The following SCHIP1 variants were observed in gnomAD, a reference collection of about 807,000 sequenced individuals.
SCHIP1 encodes the protein schwannomin interacting protein 1, also known as schwannomin-interacting protein 1.
In SCHIP1, 8 loss-of-function variants were observed where a neutral mutation model predicts 29.7. The ratio of observed to expected loss-of-function variants is 0.27; its 90% CI spans 0.16 to 0.49. The LOEUF is 0.49. Ranked by LOEUF, SCHIP1 falls within the 20% of genes least tolerant of loss-of-function variation. SCHIP1 has a pLI of 0.99. For synonymous variants in SCHIP1, 76 were observed against 94.9 expected (o/e 0.80, Z 1.16); for missense variants, 193 against 294.6 (o/e 0.66, Z 2.52).
the SCHIP1 span, among the ~76,000 whole-genome samples, chr3:159,468,597 C>T: frequency 3.3e-5 from 5 of 150,590 alleles, no homozygotes; most frequent in Admixed American, 3.3e-4. Context: ...TGTCAATATT[C>T]TAAAGAAAAA....
chr3:159,572,934 G>GTTTT, the SCHIP1 span, among the ~76,000 whole-genome samples: 1 of 140,204 alleles, frequency 7.1e-6, no homozygotes, highest in Admixed American at 7.1e-5. Flanking sequence ...GCAACCTCTG[G>GTTTT]TTTTTTTTTT....
the SCHIP1 span, among the ~76,000 whole-genome samples, chr3:159,684,207 C>T: frequency 6.6e-6 from 1 of 152,166 alleles, no homozygotes; most frequent in African/African-American, 2.4e-5. Context: ...AGACTAGAGA[C>T]CACCCCTACA....
chr3:159,468,132 A>T, the SCHIP1 span, among the ~76,000 whole-genome samples: 1 of 152,262 alleles, frequency 6.6e-6, no homozygotes, highest in African/African-American at 2.4e-5. Flanking sequence ...CAGATTTATC[A>T]TAGTAGGCTG....
chr3:159,305,482 T>G, the SCHIP1 span, among the ~76,000 whole-genome samples: 1 of 152,228 alleles, frequency 6.6e-6, no homozygotes, highest in Admixed American at 6.5e-5. Context: ...GAGAAAGTAT[T>G]GCTCCTTTTT....
chr3:159,456,730 T>A, the SCHIP1 span, among the ~76,000 whole-genome samples: 1 of 152,170 alleles, frequency 6.6e-6, no homozygotes, highest in Admixed American at 6.6e-5. Context: ...GGTTAAGATC[T>A]TGATGGGGAT....
the SCHIP1 span, among the ~76,000 whole-genome samples, chr3:159,290,467 A>G: frequency 1.3e-5 from 2 of 152,170 alleles, no homozygotes; most frequent in South Asian, 4.1e-4. Context: ...CTTTGAATAT[A>G]CCTGGTTTTA....
the SCHIP1 span, among the ~76,000 whole-genome samples, chr3:159,667,859 C>T: frequency 2.0e-5 from 3 of 152,248 alleles, no homozygotes; most frequent in South Asian, 2.1e-4. Flanking sequence ...CCAAACAGTT[C>T]TTAGTCTCAC....
At chr3:159,844,332 T>C (rs1250310909) in intron 1 of SCHIP1, among the ~76,000 whole-genome samples, 1 of 152,272 alleles carries the variant, frequency 6.6e-6, no homozygotes, top group Non-Finnish European at 1.5e-5. Context: ...TTGTATGCAC[T>C]GTTCTTTGAA....
the SCHIP1 span, among the ~76,000 whole-genome samples, chr3:159,614,542 T>C: frequency 6.6e-6 from 1 of 152,198 alleles, no homozygotes; most frequent in Admixed American, 6.5e-5. Flanking sequence ...TCCATTTGCA[T>C]TTTGGGAAGA....
chr3:159,577,080 G>A, the SCHIP1 span, among the ~76,000 whole-genome samples: 1 of 152,056 alleles, frequency 6.6e-6, no homozygotes, highest in East Asian at 1.9e-4. Flanking sequence ...GTCCTGGTTA[G>A]ATCATTAAAG....
chr3:159,530,673 G>A, the SCHIP1 span, among the ~76,000 whole-genome samples: 1 of 152,124 alleles, frequency 6.6e-6, no homozygotes, highest in Non-Finnish European at 1.5e-5. Flanking sequence ...TAAGAGTAAC[G>A]AGTTGGCAGA....
upstream of SCHIP1, among the ~76,000 whole-genome samples, chr3:159,838,873 C>G (rs1743929813): frequency 6.7e-6 from 1 of 149,038 alleles, no homozygotes; most frequent in Non-Finnish European, 1.5e-5. Flanking sequence ...TGCACTCCAG[C>G]CTGGGCAACA....
rs1167210156 is a variant in SCHIP1 at position 159,861,736 on chromosome 3, G to C, written c.31-4427G>C. On this transcript the variant is annotated intron_variant, in intron 1 of 6. Transcript: ENST00000445224. The surrounding 1 kb of genome is among the most constrained non-coding windows in gnomAD (Gnocchi z 4.1). ...GTTTTTGCTAGCAATACTAATTTTA[G>C]ATGTTGTACTTTTGTTTTATGAGGG... 6.6e-6 allele frequency among the ~76,000 whole-genome samples: 1 copy of C among 152,152 alleles called. No homozygotes were observed. The highest frequency in any genetic ancestry group is 1.9e-4 in the East Asian group (1 of 5,200).
At chr3:159,689,101 G>A in the SCHIP1 span, among the ~76,000 whole-genome samples, 1 of 152,188 alleles carries the variant, frequency 6.6e-6, no homozygotes, top group Non-Finnish European at 1.5e-5. Flanking sequence ...GGTTCCATAT[G>A]AAATTTAAAG....
chr3:159,867,678 C>T (rs1714760777), intron 2 of SCHIP1, among the ~76,000 whole-genome samples: 1 of 152,118 alleles, frequency 6.6e-6, no homozygotes, highest in South Asian at 2.1e-4. Flanking sequence ...CACCTCTTTC[C>T]CCTCCCAGTC....
At chr3:159,386,208 C>A in the SCHIP1 span, among the ~76,000 whole-genome samples, 1 of 152,032 alleles carries the variant, frequency 6.6e-6, no homozygotes, top group Non-Finnish European at 1.5e-5. Flanking sequence ...TGGGTATATA[C>A]CAAGTAATGG....
At chr3:159,812,727 G>A in the SCHIP1 span, among the ~76,000 whole-genome samples, 32 of 152,310 alleles carry the variant, frequency 2.1e-4, no homozygotes, top group African/African-American at 7.5e-4. Flanking sequence ...AGTTTTACAT[G>A]TATTGGCTCA....
the SCHIP1 span, among the ~76,000 whole-genome samples, chr3:159,652,195 T>C: frequency 6.6e-6 from 1 of 152,202 alleles, no homozygotes; most frequent in Non-Finnish European, 1.5e-5. Context: ...GGCTACCAAC[T>C]TCATTAGGAT....
chr3:159,582,783 TATATACAC>T, the SCHIP1 span, among the ~76,000 whole-genome samples: 6 of 84,060 alleles, frequency 7.1e-5, no homozygotes, highest in African/African-American at 2.2e-4. Flanking sequence ...CTGAAATATA[TATATACAC>T]ACACACACAC....
Sources: allele counts gnomAD v4.1 joint callset (sites outside exome capture counted in the v4.1 genomes callset), GRCh38; gene constraint gnomAD v4.1.1; non-coding constraint Gnocchi (gnomAD v3.1); transcripts MANE v1.5; gene names NCBI Gene and HGNC (gene_info 2026-07-23, HGNC 2026-07-21).